SPATA1: variants seen among roughly 807,000 people sequenced by gnomAD.
SPATA1 encodes spermatogenesis-associated protein 1.
SPATA1 carries 57 observed loss-of-function variants against 59.6 expected under a neutral mutation model. That is an observed-to-expected ratio of 0.96 (90% CI 0.77 to 1.19). The LOEUF (loss-of-function observed/expected upper bound fraction) is 1.19, where lower values mean the gene tolerates loss of function less well. SPATA1 is among the 50% of genes most tolerant of loss of function. The probability of loss-of-function intolerance (pLI) is 0.00; values close to 1 mark genes in which losing one functional copy is unlikely to be tolerated. For synonymous variants in SPATA1, 147 were observed against 163.9 expected (o/e 0.90, Z 0.79); for missense variants, 448 against 480.7 (o/e 0.93, Z 0.64).
chr1:84,513,842 A>ATTT lies in SPATA1; in HGVS notation c.-137-2366_-137-2364dup, dbSNP rs60377217. Among the ~76,000 whole-genome samples the ATTT allele has an allele frequency of 1.5e-4, 19 of 125,048 alleles. 1 individual carries two copies. The highest frequency in any genetic ancestry group is 2.9e-4 in the African/African-American group (9 of 30,968). 82.0% of individuals were successfully genotyped at this position (125,048 alleles called of 152,430 possible). A position where few individuals can be genotyped will look rare whatever the true frequency, so the allele number is the denominator to read the frequency against. On this transcript the variant is annotated intron_variant, in intron 1 of 12. Coordinates refer to ENST00000490879, the Ensembl canonical transcript of SPATA1. ...TGATGACTTCTCTTTTCTATATTCT[A>ATTT]TTTTTTTTTTTTTTTTTGAGACGGA...
At chr1:84,552,080 T>A (rs1286038795) in intron 12 of SPATA1, 1 of 152,136 alleles carries the variant, frequency 6.6e-6, no homozygotes, top group African/African-American at 2.4e-5. Flanking sequence ...AAATCCTGTA[T>A]TTAACCATAG....
downstream of SPATA1, among the ~76,000 whole-genome samples, chr1:84,556,492 C>T (rs979868421): frequency 8.6e-5 from 13 of 151,912 alleles, no homozygotes; most frequent in Admixed American, 8.5e-4. Context: ...GCAGGCAGAT[C>T]ATGAGGTCGA....
chr1:84,563,718 C>A, intron 4 of SPATA1: 1 of 1,448,146 alleles, frequency 6.9e-7, no homozygotes, highest in Non-Finnish European at 9.4e-7. Context: ...AATTATGTAA[C>A]AAATGACTGT....
At position 84,544,440 on chromosome 1, in the gene SPATA1, G is replaced by T. The variant is rs184123934; in HGVS notation, c.820+136G>T. ...AGTTCTGGAGATGGGTGGTGGTGAT[G>T]GTTTCACAACAGTGTGAATGTTGTG... is the stretch of plus-strand genomic sequence containing the variant. On this transcript the variant is annotated intron_variant, in intron 9 of 12. Coordinates refer to ENST00000490879, the Ensembl canonical transcript of SPATA1. 5 of 657,446 alleles carry T rather than the reference G, an allele frequency of 7.6e-6. No homozygotes were observed. The East Asian group carries it at 1.1e-4, about 14-fold the overall frequency. 40.7% of individuals were successfully genotyped at this position (657,446 alleles called of 1,614,324 possible). A position where few individuals can be genotyped will look rare whatever the true frequency, so the allele number is the denominator to read the frequency against.
At chr1:84,521,323 T>C (rs1003303979) in intron 3 of SPATA1, among the ~76,000 whole-genome samples, 1 of 152,198 alleles carries the variant, frequency 6.6e-6, no homozygotes, top group Admixed American at 6.5e-5. Flanking sequence ...TAGATGTGTA[T>C]TTTCAAATTC....
At chr1:84,522,419 T>C in exon 4 of SPATA1, 1 of 1,508,642 alleles carries the variant, frequency 6.6e-7, no homozygotes. Flanking sequence ...TTACGAGCCC[T>C]GAGGGAGCGT....
chr1:84,522,293 C>T (rs559272580), intron 3 of SPATA1, 97 bp from the exon 4 acceptor site: 2 of 614,258 alleles, frequency 3.3e-6, no homozygotes, highest in Non-Finnish European at 5.1e-6. Context: ...ATTAAATCAA[C>T]CTTTGTGTTT....
At chr1:84,559,691 T>TA (rs994367633) in intron 4 of SPATA1, among the ~76,000 whole-genome samples, 1 of 152,010 alleles carries the variant, frequency 6.6e-6, no homozygotes, top group South Asian at 2.1e-4. Context: ...TTGCAATGAA[T>TA]AAAAAAGAGG....
chr1:84,520,729 G>T (rs17110700), intron 3 of SPATA1, 38 bp downstream of exon 3: 42,732 of 1,313,950 alleles, frequency 0.033, 1,240 homozygotes, highest in African/African-American at 0.12. Context: ...ATGCCTGAAA[G>T]AAGAATCTGT....
At chr1:84,544,471 G>A (rs1013633273) in intron 9 of SPATA1, among the ~76,000 whole-genome samples, 167 bp downstream of exon 9, 4 of 152,094 alleles carry the variant, frequency 2.6e-5, no homozygotes, top group African/African-American at 9.7e-5. Context: ...TTGTGCCACT[G>A]AACTGTACCA....
chr1:84,534,043 C>A (rs1428975387), intron 8 of SPATA1, among the ~76,000 whole-genome samples: 1 of 152,028 alleles, frequency 6.6e-6, no homozygotes, highest in African/African-American at 2.4e-5. Flanking sequence ...ACTTAACTAG[C>A]AGCTTTCATA....
intron 2 of SPATA1, among the ~76,000 whole-genome samples, chr1:84,517,884 CT>C (rs1682864411): frequency 6.6e-6 from 1 of 152,098 alleles, no homozygotes; most frequent in African/African-American, 2.4e-5. Flanking sequence ...CTCTTATAGT[CT>C]GTTCTAGCTA....
intron 1 of SPATA1, among the ~76,000 whole-genome samples, chr1:84,509,325 C>G (rs1380806498): frequency 6.6e-6 from 1 of 152,140 alleles, no homozygotes; most frequent in African/African-American, 2.4e-5. Flanking sequence ...GGAGAAAGGA[C>G]AGTCCCTCCA....
chr1:84,545,789 A>T (rs780116340), intron 10 of SPATA1, 30 bp downstream of exon 10: 4 of 1,400,720 alleles, frequency 2.9e-6, no homozygotes, highest in Non-Finnish European at 2.8e-6. Flanking sequence ...TTTTATCACT[A>T]TAAAGAAAAC....
At chr1:84,536,669 C>T (rs1248053633) in intron 8 of SPATA1, among the ~76,000 whole-genome samples, 3 of 152,082 alleles carry the variant, frequency 2.0e-5, no homozygotes, top group Non-Finnish European at 4.4e-5. Flanking sequence ...TGGTCTTGAT[C>T]TCCTGACCTC....
chr1:84,532,821 T>G, intron 6 of SPATA1, 39 bp from the exon 7 acceptor site: 1 of 1,354,774 alleles, frequency 7.4e-7, no homozygotes, highest in Non-Finnish European at 1.0e-6. Flanking sequence ...TTTCCTAACA[T>G]TCTGAACTTT....
chr1:84,540,570 AT>A (rs367812022), intron 8 of SPATA1, among the ~76,000 whole-genome samples: 31 of 152,222 alleles, frequency 2.0e-4, no homozygotes, highest in Admixed American at 1.4e-3. Flanking sequence ...AACAATATAA[AT>A]TTTTTGTACT....
At chr1:84,544,367 G>A (rs915950324) in intron 9 of SPATA1, 63 bp downstream of exon 9, 40 of 1,267,344 alleles carry the variant, frequency 3.2e-5, no homozygotes, top group South Asian at 1.0e-4. Flanking sequence ...ATGTTAATGG[G>A]GAGTTACTGT....
In SPATA1 at chr1:84,522,379, T is replaced by C. The variant is rs749017530; in HGVS notation, c.144-11T>C. The stretch of plus-strand genomic sequence containing the variant: ...CATTTTATATTATAAGGCAATTTTA[T>C]AATATTTCAGAGTATCTCCTCAACT... On this transcript the variant is annotated splice_polypyrimidine_tract_variant and intron_variant, in intron 3 of 12. Transcript: ENST00000490879. 1.4e-5 allele frequency: 19 copies of C among 1,396,856 alleles called. No individual in the cohort carries two copies. The South Asian group carries it at 3.2e-4, about 23-fold the overall frequency. 86.5% of individuals were successfully genotyped at this position (1,396,856 alleles called of 1,614,324 possible). A position where few individuals can be genotyped will look rare whatever the true frequency, so the allele number is the denominator to read the frequency against.
Sources: allele counts gnomAD v4.1 joint callset (sites outside exome capture counted in the v4.1 genomes callset), GRCh38; gene constraint gnomAD v4.1.1; transcripts MANE v1.5; gene names NCBI Gene and HGNC (gene_info 2026-07-23, HGNC 2026-07-21).